The following ATP8A1 variants were observed in gnomAD, a reference collection of about 807,000 sequenced individuals.
ATP8A1 encodes the protein phospholipid-transporting ATPase IA.
In ATP8A1, 90 loss-of-function variants were observed where a neutral mutation model predicts 177.7. That is an observed-to-expected ratio of 0.51 (90% CI 0.43 to 0.60). The LOEUF (loss-of-function observed/expected upper bound fraction) is 0.60. Ranked by LOEUF, ATP8A1 falls within the 20% of genes least tolerant of loss-of-function variation. The pLI, the probability that ATP8A1 is intolerant of heterozygous loss-of-function variation, is 0.00. For missense variants in ATP8A1, 1,072 were observed against 1,392.8 expected (o/e 0.77, Z 3.67); for synonymous variants, 493 against 485.9 (o/e 1.01, Z -0.19).
chr4:42,535,109 G>A (rs75945462), intron 20 of ATP8A1, among the ~76,000 whole-genome samples: 2 of 151,916 alleles, frequency 1.3e-5, no homozygotes, highest in African/African-American at 4.8e-5. Flanking sequence ...AAAAAAAAAG[G>A]TATTCAGGCA....
intron 8 of ATP8A1, among the ~76,000 whole-genome samples, chr4:42,587,614 T>G (rs139891502): frequency 6.7e-6 from 1 of 150,192 alleles, no homozygotes; most frequent in East Asian, 2.0e-4. Flanking sequence ...TGTACAGCTT[T>G]TTTTTTTTTT....
At chr4:42,592,071 A>C (rs968522365) in intron 6 of ATP8A1, among the ~76,000 whole-genome samples, 23 of 152,194 alleles carry the variant, frequency 1.5e-4, no homozygotes, top group African/African-American at 5.1e-4. Context: ...GGAGCTAAGT[A>C]ATGCTAAAAC....
At chr4:42,510,830 A>T (rs185790736) in intron 22 of ATP8A1, among the ~76,000 whole-genome samples, 1 of 152,232 alleles carries the variant, frequency 6.6e-6, no homozygotes, top group African/African-American at 2.4e-5. Flanking sequence ...AAAGAAGGAA[A>T]GCATCTAGTT....
chr4:42,438,336 G>A (rs903900584), intron 33 of ATP8A1, among the ~76,000 whole-genome samples: 4 of 152,196 alleles, frequency 2.6e-5, no homozygotes, highest in African/African-American at 9.6e-5. Flanking sequence ...CTCTAACAGT[G>A]ACTGGCCCTT....
rs560501722 is a variant in ATP8A1 at position 42,588,496 on chromosome 4, C to A, written c.525-167G>T. 6.4e-4 allele frequency: 358 copies of A among 562,132 alleles called. 9 individuals are homozygous for A. In the South Asian group the frequency reaches 8.5e-3, roughly 13 times the overall value. The allele number at this position is 562,132 out of a possible 1,614,324, so 34.8% of individuals were successfully genotyped here. ...AACAGCAAGATGCTGTGAGGCAGAA[C>A]CCATGCATGACAACTCACGGATTAG... On this transcript the variant is annotated intron_variant, in intron 7 of 36. Transcript: ENST00000381668.
chr4:42,610,233 G>A (rs920159807), intron 5 of ATP8A1, among the ~76,000 whole-genome samples: 3 of 151,202 alleles, frequency 2.0e-5, no homozygotes, highest in African/African-American at 7.3e-5. Flanking sequence ...ATTTCCTGTA[G>A]GACAAGTATG....
chr4:42,555,492 A>C (rs949628428), intron 16 of ATP8A1, among the ~76,000 whole-genome samples: 1 of 152,194 alleles, frequency 6.6e-6, no homozygotes, highest in Non-Finnish European at 1.5e-5. Context: ...AATGTTGGCC[A>C]AGTAAAAAGG....
intron 33 of ATP8A1, among the ~76,000 whole-genome samples, chr4:42,425,242 G>C (rs949712175): frequency 1.2e-4 from 19 of 152,232 alleles, no homozygotes; most frequent in Middle Eastern, 3.4e-3. Context: ...GCAAGAGAAG[G>C]AGGATTTATT....
rs374740812 is a variant in ATP8A1 at position 42,485,496 on chromosome 4, C to T, written c.2324G>A (p.Arg775Gln). The T allele has an allele frequency of 8.1e-6, 13 of 1,605,498 alleles. No homozygotes were observed. The highest frequency in any genetic ancestry group is 1.3e-5 in the African/African-American group (1 of 74,536). ...ALSCKAVICC[R>Q]VSPLQKSEVV... is the part of the protein sequence containing the mutation. ...TCTGACAATGATAAGGAGAACTTAC[C>T]GACAGCAAATGACAGCTTTGCATGA... is the stretch of plus-strand genomic sequence containing the variant. The change falls in exon 25 of 37, where the codon CGG (arginine) becomes CAG (glutamine). Residue 775 changes from arginine to glutamine, a missense_variant and splice_region_variant. Arg to Gln is a conservative substitution (Grantham distance 43). Transcript: ENST00000381668.
chr4:42,426,703 G>A (rs1714662224), intron 33 of ATP8A1, among the ~76,000 whole-genome samples: 1 of 152,144 alleles, frequency 6.6e-6, no homozygotes. Context: ...TGTCCCATGA[G>A]CTTCATGGAA....
chr4:42,596,540 A>G (rs1734729675), intron 6 of ATP8A1, among the ~76,000 whole-genome samples: 1 of 151,548 alleles, frequency 6.6e-6, no homozygotes, highest in African/African-American at 2.4e-5. Flanking sequence ...GGTGGCAGGC[A>G]CCTGTAATCC....
chr4:42,485,465 C>A (rs376283886), intron 25 of ATP8A1, 31 bp downstream of exon 25: 2 of 1,562,454 alleles, frequency 1.3e-6, no homozygotes, highest in East Asian at 4.6e-5. Flanking sequence ...TCATTCTTTA[C>A]TAAAATCTGA....
chr4:42,428,324 C>T (rs1167073532), intron 33 of ATP8A1, among the ~76,000 whole-genome samples: 1 of 152,210 alleles, frequency 6.6e-6, no homozygotes, highest in Non-Finnish European at 1.5e-5. Context: ...CCTCACACAT[C>T]CCACACTGAA....
At chr4:42,504,065 C>T (rs1174919848) in intron 23 of ATP8A1, among the ~76,000 whole-genome samples, 1 of 152,182 alleles carries the variant, frequency 6.6e-6, no homozygotes. Flanking sequence ...TTTGCTACAG[C>T]CGACTGTGTC....
At position 42,636,653 on chromosome 4, in the gene ATP8A1, C is replaced by T. The variant is rs532066348; in HGVS notation, c.50-9544G>A. ...TTGCATTAATACACCATCCCTGTAC[C>T]GAGTGTTAATGCAGACTCTGTGCAG... On this transcript the variant is annotated intron_variant, in intron 1 of 36. Transcript: ENST00000381668. Among the ~76,000 whole-genome samples, 39 of 152,224 alleles carry T rather than the reference C, an allele frequency of 2.6e-4. No homozygotes were observed. In the South Asian group the frequency reaches 7.5e-3, roughly 29 times the overall value.
chr4:42,539,995 A>G (rs755350980), intron 20 of ATP8A1, among the ~76,000 whole-genome samples: 18 of 152,190 alleles, frequency 1.2e-4, no homozygotes, highest in African/African-American at 2.9e-4. Context: ...CAATCAACAG[A>G]GTGAAGAGAA....
At chr4:42,587,557 C>A (rs1474366298) in intron 8 of ATP8A1, among the ~76,000 whole-genome samples, 1 of 150,626 alleles carries the variant, frequency 6.6e-6, no homozygotes, top group Non-Finnish European at 1.5e-5. Context: ...CCACCTGCCT[C>A]GGCCTCCCAA....
At chr4:42,485,390 A>G (rs1351657459) in intron 25 of ATP8A1, 106 bp downstream of exon 25, 1 of 1,061,282 alleles carries the variant, frequency 9.4e-7, no homozygotes, top group East Asian at 2.6e-5. Flanking sequence ...ATTAGTAAGT[A>G]ACCTAACTTT....
intron 18 of ATP8A1, among the ~76,000 whole-genome samples, chr4:42,549,658 G>A (rs974844797): frequency 6.6e-6 from 1 of 151,646 alleles, no homozygotes; most frequent in Non-Finnish European, 1.5e-5. Flanking sequence ...TATCAGGTGC[G>A]GTGGCACATG....
Sources: allele counts gnomAD v4.1 joint callset (sites outside exome capture counted in the v4.1 genomes callset), GRCh38; gene constraint gnomAD v4.1.1; transcripts MANE v1.5; gene names NCBI Gene and HGNC (gene_info 2026-07-23, HGNC 2026-07-21).